The following KIF18A variants were observed in gnomAD, a reference collection of about 807,000 sequenced individuals.
The protein encoded by KIF18A is kinesin family member 18A.
A neutral mutation model predicts 103.3 loss-of-function variants in KIF18A; 67 were observed. That is an observed-to-expected ratio of 0.65 (90% CI 0.53 to 0.79). The LOEUF (loss-of-function observed/expected upper bound fraction) is 0.79. Ranked by LOEUF, KIF18A falls within the 30% of genes least tolerant of loss-of-function variation. The probability of loss-of-function intolerance (pLI) is 0.00; values close to 1 mark genes in which losing one functional copy is unlikely to be tolerated. For synonymous variants in KIF18A, 367 were observed against 355.5 expected (o/e 1.03, Z -0.36); for missense variants, 1,032 against 1,062.5 (o/e 0.97, Z 0.40).
At chr11:28,050,561 T>C (rs1028665780) in intron 13 of KIF18A, among the ~76,000 whole-genome samples, 11 of 151,914 alleles carry the variant, frequency 7.2e-5, no homozygotes, top group African/African-American at 2.7e-4. Flanking sequence ...CTGGTTCTCC[T>C]AGTATCTTTT....
chr11:28,065,245 T>C (rs1850903476), intron 11 of KIF18A, among the ~76,000 whole-genome samples: 1 of 152,054 alleles, frequency 6.6e-6, no homozygotes, highest in Admixed American at 6.6e-5. Flanking sequence ...ATAAGTCCCT[T>C]TATCGTAAAG....
chr11:28,072,173 A>G (rs1160436013), intron 10 of KIF18A, among the ~76,000 whole-genome samples: 2 of 152,184 alleles, frequency 1.3e-5, no homozygotes, highest in East Asian at 3.9e-4. Flanking sequence ...TAAGTTTTAA[A>G]AAAGCTTTAC....
intron 13 of KIF18A, among the ~76,000 whole-genome samples, chr11:28,039,862 C>A (rs948534264): frequency 2.4e-4 from 36 of 151,692 alleles, no homozygotes; most frequent in African/African-American, 8.7e-4. Flanking sequence ...TACAGACACA[C>A]AACATGTATA....
At chr11:28,077,870 T>G (rs924468644) in intron 9 of KIF18A, among the ~76,000 whole-genome samples, 2 of 152,090 alleles carry the variant, frequency 1.3e-5, no homozygotes, top group Admixed American at 6.6e-5. Context: ...ATATCAAAGA[T>G]GAGGAGTTTG....
intron 1 of KIF18A, among the ~76,000 whole-genome samples, chr11:28,099,887 C>T (rs1342556567): frequency 6.6e-6 from 1 of 152,152 alleles, no homozygotes; most frequent in Non-Finnish European, 1.5e-5. Flanking sequence ...TAATCTATCA[C>T]TCTCACTGCT....
chr11:28,047,125 C>A (rs1282636792), intron 13 of KIF18A, among the ~76,000 whole-genome samples: 1 of 149,328 alleles, frequency 6.7e-6, no homozygotes, highest in African/African-American at 2.5e-5. Flanking sequence ...ATATAATCAT[C>A]CAGCATATAT....
intron 14 of KIF18A, 145 bp downstream of exon 14, chr11:28,036,070 CAG>C: frequency 1.4e-5 from 8 of 572,604 alleles, no homozygotes; most frequent in Non-Finnish European, 2.1e-5. Flanking sequence ...AATTAATATT[CAG>C]AGAGAAAGAT....
chr11:28,058,884 G>T, intron 13 of KIF18A, 42 bp downstream of exon 13: 1 of 1,422,262 alleles, frequency 7.0e-7, no homozygotes, highest in Non-Finnish European at 9.9e-7. Context: ...GTTCTCTTTA[G>T]AAATAATGTT....
At chr11:28,053,169 T>C (rs915871531) in intron 13 of KIF18A, among the ~76,000 whole-genome samples, 5 of 152,170 alleles carry the variant, frequency 3.3e-5, no homozygotes, top group African/African-American at 1.2e-4. Context: ...TAGAAACAAA[T>C]AATTTATGAG....
rs200627181 is a variant in KIF18A, at chr11:28,091,498, T to G, written c.499A>C (p.Ile167Leu). 19 of 1,598,802 alleles carry G rather than the reference T, an allele frequency of 1.2e-5. No individual in the cohort carries two copies. In the East Asian group the frequency reaches 4.0e-4, roughly 34 times the overall value. ...VSYLEVYNEQ[I>L]RDLLVNSGPL... ...CCTGAATTTACTAAGAGATCACGAA[T>G]CTGTTCATTATATACCTTAAAATAA... The change falls in exon 4 of 17, where the codon ATT becomes CTT. Residue 167 changes from isoleucine to leucine, a missense_variant. Transcript: ENST00000263181.
Position 28,084,632 on chromosome 11 carries a change from A to G in KIF18A, c.1074T>C (p.Ser358=). Residue 358 remains serine (S), a splice_region_variant and synonymous_variant, in exon 7 of 17, where the codon TCT becomes TCC. Transcript: ENST00000263181. Reference sequence around the variant, plus strand: ...ACAAAGGCAGAGTAAACAGACTTACAGAAGATTTAATGTCCTTTGCCCGGT... The same window carrying G: ...ACAAAGGCAGAGTAAACAGACTTACGGAAGATTTAATGTCCTTTGCCCGGT... ...YANRAKDIKS[S]LKSNVLNVNN... is the part of the protein sequence containing the mutation. 6.2e-7 allele frequency: 1 copy of G among 1,601,900 alleles called. No individual in the cohort carries two copies. The highest frequency in any genetic ancestry group is 8.5e-7 in the Non-Finnish European group (1 of 1,170,960).
At chr11:28,046,402 T>C (rs1230780030) in intron 13 of KIF18A, among the ~76,000 whole-genome samples, 1 of 148,768 alleles carries the variant, frequency 6.7e-6, no homozygotes, top group East Asian at 2.0e-4. Context: ...TGTAGGGACA[T>C]GGATGAAATT....
chr11:28,091,188 A>C (rs899812651), intron 4 of KIF18A, among the ~76,000 whole-genome samples: 6 of 152,154 alleles, frequency 3.9e-5, no homozygotes, highest in Non-Finnish European at 8.8e-5. Flanking sequence ...ATACATACGT[A>C]GATTAAAATT....
intron 1 of KIF18A, among the ~76,000 whole-genome samples, chr11:28,100,864 T>G (rs905389170): frequency 6.6e-6 from 1 of 152,112 alleles, no homozygotes; most frequent in Non-Finnish European, 1.5e-5. Flanking sequence ...TCTAGCCAAG[T>G]GTCACAAAGC....
At chr11:28,039,533 T>C (rs556562220) in intron 13 of KIF18A, among the ~76,000 whole-genome samples, 1 of 151,888 alleles carries the variant, frequency 6.6e-6, no homozygotes, top group Admixed American at 6.6e-5. Flanking sequence ...GAGTGGCAAC[T>C]GGGCAAATTC....
In KIF18A at chr11:28,058,813, T is replaced by TAA. The variant is rs990690946; in HGVS notation, c.1948+111_1948+112dup. The TAA allele has an allele frequency of 1.1e-5, 9 of 783,416 alleles. No homozygotes were observed. In the East Asian group the frequency reaches 2.4e-4, roughly 21 times the overall value. The allele number at this position is 783,416 out of a possible 1,614,324, so 48.5% of individuals were successfully genotyped here. On this transcript the variant is annotated intron_variant, in intron 13 of 16. Coordinates refer to ENST00000263181, the MANE Select transcript of KIF18A (RefSeq NM_031217.4). ...ATGACTATAAAGCTAATTTTCCCAT[T>TAA]AATTTTCATAAAATAGACAAACCTA...
chr11:28,039,783 A>G (rs1850536430), intron 13 of KIF18A, among the ~76,000 whole-genome samples: 1 of 151,816 alleles, frequency 6.6e-6, no homozygotes, highest in Non-Finnish European at 1.5e-5. Context: ...CTGAAGGAAT[A>G]GCATGGAGAT....
chr11:28,051,560 CT>C (rs1850712775), intron 13 of KIF18A, among the ~76,000 whole-genome samples: 1 of 151,778 alleles, frequency 6.6e-6, no homozygotes, highest in Non-Finnish European at 1.5e-5. Flanking sequence ...ATGGAAAGGC[CT>C]TTTGAGGAAA....
intron 1 of KIF18A, among the ~76,000 whole-genome samples, chr11:28,099,767 G>A (rs375936442): frequency 6.8e-4 from 104 of 152,174 alleles, no homozygotes; most frequent in African/African-American, 2.3e-3. Context: ...TGAGCAAAGG[G>A]GAGTGTAGTA....
Sources: gnomAD v4.1 joint callset for allele counts (sites outside exome capture counted in the v4.1 genomes callset) on GRCh38, gnomAD v4.1.1 for gene constraint, MANE v1.5 for transcripts, NCBI Gene and HGNC (gene_info 2026-07-23, HGNC 2026-07-21) for gene names.